The following VEZF1 variants were observed in gnomAD, a reference collection of about 807,000 sequenced individuals.
VEZF1 encodes putative transcription factor DB1.
A neutral mutation model predicts 44.1 loss-of-function variants in VEZF1; 5 were observed. That is an observed-to-expected ratio of 0.11 (90% CI 0.06 to 0.24). The LOEUF is 0.24. Among genes scored for constraint, VEZF1 ranks in the 10% least tolerant of loss-of-function variants. The pLI is 1.00. For synonymous variants in VEZF1, 236 were observed against 233.1 expected, an observed-to-expected ratio of 1.01 and a Z score of -0.11; for missense variants, 358 against 641.8, an observed-to-expected ratio of 0.56 and a Z score of 4.78.
rs781740710 is a variant in VEZF1 at position 57,974,669 on chromosome 17, G to C, written c.1370C>G (p.Pro457Arg). Residue 457 changes from proline to arginine, a missense_variant, in exon 6 of 6, where the codon CCT becomes CGT. This residue lies in a region of VEZF1 where 171 missense variants were observed against 272.4 expected (regional missense o/e 0.63). Transcript: ENST00000581208. Reference protein sequence around the residue: ...TITSPLSMTSPLTLTTPVNLP... With the variant: ...TITSPLSMTSRLTLTTPVNLP... ...GTTGACTGGGGTAGTGAGTGTTAAA[G>C]GAGAGGTCATGGATAATGGACTGGT... The C allele has an allele frequency of 1.2e-6, 2 of 1,614,156 alleles. No homozygotes were observed. Among genetic ancestry groups the C allele is most frequent in the Non-Finnish European group, 1.7e-6 (2 of 1,180,030 alleles).
At chr17:57,985,107 G>A in intron 1 of VEZF1, 1 of 472,340 alleles carries the variant, frequency 2.1e-6, no homozygotes, top group Non-Finnish European at 3.4e-6. Flanking sequence ...AATAGCTGAA[G>A]ATAGCTGAAG....
At chr17:57,986,415 C>CT (rs1401233085) in intron 1 of VEZF1, among the ~76,000 whole-genome samples, 2 of 151,984 alleles carry the variant, frequency 1.3e-5, no homozygotes, top group Admixed American at 6.6e-5. Context: ...ACCATTTGAG[C>CT]TTTTTTCTGG....
At position 57,974,721 on chromosome 17, in the gene VEZF1, T is replaced by G. The variant is rs759084866; in HGVS notation, c.1318A>C (p.Met440Leu). Residue 440 changes from methionine (M) to leucine (L), a missense_variant, in exon 6 of 6, where the codon ATG becomes CTG. Met to Leu is a conservative substitution (Grantham distance 15, BLOSUM62 2). This residue lies in a region of VEZF1 where 171 missense variants were observed against 272.4 expected (regional missense o/e 0.63). Coordinates refer to ENST00000581208, the MANE Select transcript of VEZF1 (RefSeq NM_007146.3). ...VSSAVNITSP[M>L]NIGHPVTITS... ...ATAGTTACAGGATGCCCTATGTTCA[T>G]TGGGCTGGTTATGTTAACTGCACTT... is the stretch of plus-strand genomic sequence containing the variant. The G allele has an allele frequency of 6.2e-7, 1 of 1,614,148 alleles. No homozygotes were observed. Among genetic ancestry groups the G allele is most frequent in the East Asian group, 2.2e-5 (1 of 44,886 alleles).
chr17:57,981,968 A>G (rs1425565113), intron 2 of VEZF1, 32 bp from the exon 3 acceptor site: 1 of 1,606,082 alleles, frequency 6.2e-7, no homozygotes, highest in East Asian at 2.2e-5. Context: ...CAGAAGATAT[A>G]ATCGAACACA....
chr17:57,979,805 A>T (rs1209149853), intron 4 of VEZF1, among the ~76,000 whole-genome samples: 3 of 151,924 alleles, frequency 2.0e-5, no homozygotes, highest in Non-Finnish European at 4.4e-5. Context: ...ATGAAAATAC[A>T]AAAAAAGTAG....
At position 57,988,111 on chromosome 17, in the gene VEZF1, TG is replaced by T; in HGVS notation, c.-1del. On this transcript the variant is annotated 5_prime_UTR_variant, in exon 1 of 6. Transcript: ENST00000581208. ...AGGAACGCGGTCCAGTTGGCCTCCA[TG>T]GCTGCGGCGGCCGACCCCCCTCCTC... 2 of 817,144 alleles carry T rather than the reference TG, an allele frequency of 2.4e-6. No individual in the cohort carries two copies. Among genetic ancestry groups the T allele is most frequent in the South Asian group, 5.5e-5 (1 of 18,124 alleles). The allele number at this position is 817,144 out of a possible 1,614,324, so 50.6% of individuals were successfully genotyped here.
chr17:57,984,512 G>T (rs544191916), intron 1 of VEZF1, among the ~76,000 whole-genome samples: 1 of 152,196 alleles, frequency 6.6e-6, no homozygotes, highest in African/African-American at 2.4e-5. Flanking sequence ...CTTGAGTTTT[G>T]TAATCCTAAT....
At chr17:57,975,581 A>T (rs2075181901) in intron 5 of VEZF1, among the ~76,000 whole-genome samples, 3 of 152,264 alleles carry the variant, frequency 2.0e-5, no homozygotes, top group Admixed American at 1.3e-4. Context: ...TATGTTTCTT[A>T]ACTACATTAG....
chr17:57,982,669 A>G, intron 2 of VEZF1, 30 bp downstream of exon 2: 1 of 1,562,600 alleles, frequency 6.4e-7, no homozygotes, highest in Non-Finnish European at 8.7e-7. Flanking sequence ...ACCATAATGA[A>G]GCAAAGCAAA....
intron 4 of VEZF1, 78 bp from the exon 5 acceptor site, chr17:57,979,391 G>C (rs2075225100): frequency 1.9e-6 from 3 of 1,581,578 alleles, no homozygotes; most frequent in Non-Finnish European, 2.6e-6. Flanking sequence ...GACTTCTCAT[G>C]CTTCTGTGAT....
rs141705303 is a variant in VEZF1 at position 57,977,710 on chromosome 17, G to A, written c.1138+1442C>T. Among the ~76,000 whole-genome samples, 10 of 152,118 alleles carry A rather than the reference G, an allele frequency of 6.6e-5. No individual in the cohort carries two copies. In the East Asian group the frequency reaches 1.9e-3, roughly 29 times the overall value. On this transcript the variant is annotated intron_variant, in intron 5 of 5. Coordinates refer to ENST00000581208, the MANE Select transcript of VEZF1 (RefSeq NM_007146.3). ...AAATACAAAATTAGCTGGGCGCGGTGGCACATGCCTGTAATCCCAGCTACT... is the reference window on the plus strand; with the variant it reads ...AAATACAAAATTAGCTGGGCGCGGTAGCACATGCCTGTAATCCCAGCTACT...
rs990041725 is a variant in VEZF1, at chr17:57,973,429, C to G, written c.*1044G>C. 2.6e-5 allele frequency: 4 copies of G among 152,588 alleles called. No individual in the cohort carries two copies. The highest frequency in any genetic ancestry group is 9.7e-5 in the African/African-American group (4 of 41,426). 9.5% of individuals were successfully genotyped at this position (152,588 alleles called of 1,614,324 possible). On this transcript the variant is annotated 3_prime_UTR_variant, in exon 6 of 6. Transcript: ENST00000581208. ...CATGTTCTGAAGGGGCATACACTAC[C>G]TAGTTAGTGGTTAGAATAAAAACTG...
chr17:57,979,275 G>GCTGCTGCTT lies in VEZF1; in HGVS notation c.1006_1014dup (p.Lys336_Gln338dup). 6.2e-7 allele frequency: 1 copy of GCTGCTGCTT among 1,610,484 alleles called. No individual in the cohort carries two copies. Among genetic ancestry groups the GCTGCTGCTT allele is most frequent in the Non-Finnish European group, 8.5e-7 (1 of 1,176,952 alleles). On this transcript the variant is annotated inframe_insertion, in exon 5 of 6. Coordinates refer to ENST00000581208, the MANE Select transcript of VEZF1 (RefSeq NM_007146.3). Reference sequence around the variant, plus strand: ...TGCTGCTGCTGCTGCTGCTGCTGCTGCTGCTGCTTTTGGTTACTGGTCTCT... The same window carrying GCTGCTGCTT: ...TGCTGCTGCTGCTGCTGCTGCTGCTGCTGCTGCTTCTGCTGCTTTTGGTTACTGGTCTCT...
At position 57,974,065 on chromosome 17, in the gene VEZF1, G is replaced by C; in HGVS notation, c.*408C>G. 5.6e-6 allele frequency: 1 copy of C among 177,928 alleles called. No individual in the cohort carries two copies. Among genetic ancestry groups the C allele is most frequent in the South Asian group, 1.4e-4 (1 of 7,170 alleles). 11.0% of individuals were successfully genotyped at this position (177,928 alleles called of 1,614,324 possible). A position where few individuals can be genotyped will look rare whatever the true frequency, so the allele number is the denominator to read the frequency against. ...CTCAATCTGTGGATTTAAAATTTCA[G>C]GTTAAAATCAGCCATCCACCTTGTA... On this transcript the variant is annotated 3_prime_UTR_variant, in exon 6 of 6. Coordinates refer to ENST00000581208, the MANE Select transcript of VEZF1 (RefSeq NM_007146.3).
At chr17:57,979,554 CA>C (rs79059045) in intron 4 of VEZF1, among the ~76,000 whole-genome samples, 17,067 of 114,804 alleles carry the variant, frequency 0.15, 1,540 homozygotes, top group African/African-American at 0.3. Flanking sequence ...AAAAAACCAT[CA>C]AAAAAAAAAA....
At chr17:57,981,684 T>C (rs552738630) in intron 3 of VEZF1, among the ~76,000 whole-genome samples, 189 bp downstream of exon 3, 2 of 152,360 alleles carry the variant, frequency 1.3e-5, no homozygotes. Context: ...GCTTAAATTT[T>C]TAAATGATCT....
chr17:57,977,021 C>A (rs2075198578), intron 5 of VEZF1, among the ~76,000 whole-genome samples: 1 of 152,186 alleles, frequency 6.6e-6, no homozygotes, highest in Non-Finnish European at 1.5e-5. Context: ...AAATACCCTT[C>A]ATAATATACT....
intron 5 of VEZF1, 38 bp from the exon 6 acceptor site, chr17:57,974,938 A>G: frequency 6.4e-7 from 1 of 1,559,616 alleles, no homozygotes; most frequent in Non-Finnish European, 8.7e-7. Context: ...GATTCTCAAA[A>G]CAGTGAGCAA....
Position 57,982,746 on chromosome 17 carries a change from G to A in VEZF1, c.681C>T (p.Gly227=). ...CACTGCAAGTATAGGGTTTGGTGAT[G>A]CCTCCTTCATGAGACCTCACATGGT... ...MTYHVRSHEG[G]ITKPYTCSVC... is the part of the protein sequence containing the mutation. Residue 227 remains glycine, a synonymous_variant, in exon 2 of 6, where the codon GGC becomes GGT. Coordinates refer to ENST00000581208, the MANE Select transcript of VEZF1 (RefSeq NM_007146.3). 1 of 1,614,180 alleles carries A rather than the reference G, an allele frequency of 6.2e-7. No individual in the cohort carries two copies. Among genetic ancestry groups the A allele is most frequent in the Non-Finnish European group, 8.5e-7 (1 of 1,180,014 alleles).
Sources: gnomAD v4.1 joint callset for allele counts (sites outside exome capture counted in the v4.1 genomes callset) on GRCh38, gnomAD v4.1.1 for gene constraint, gnomAD v4.1.1 regional missense constraint, MANE v1.5 for transcripts, NCBI Gene and HGNC (gene_info 2026-07-23, HGNC 2026-07-21) for gene names.